TXLNB: variants seen among roughly 807,000 people sequenced by gnomAD.
TXLNB encodes taxilin beta.
In TXLNB, 37 loss-of-function variants were observed where a neutral mutation model predicts 57.4. The ratio of observed to expected loss-of-function variants is 0.64; its 90% CI spans 0.50 to 0.85. The LOEUF (loss-of-function observed/expected upper bound fraction) is 0.85, where lower values mean the gene tolerates loss of function less well. Ranked by LOEUF, TXLNB falls within the 40% of genes least tolerant of loss-of-function variation. TXLNB has a pLI of 0.00. For synonymous variants in TXLNB, 302 were observed against 309.6 expected (o/e 0.98, Z 0.26); for missense variants, 848 against 825.6 (o/e 1.03, Z -0.33).
chr6:139,214,552 C>G, the TXLNB span, among the ~76,000 whole-genome samples: 4 of 152,146 alleles, frequency 2.6e-5, no homozygotes, highest in Non-Finnish European at 4.4e-5. Flanking sequence ...GGAAGCACTC[C>G]CTTTGAAAAC....
chr6:139,214,011 A>C, the TXLNB span, among the ~76,000 whole-genome samples: 1 of 152,214 alleles, frequency 6.6e-6, no homozygotes, highest in Non-Finnish European at 1.5e-5. Flanking sequence ...AAAAAAGTCC[A>C]GGATCAGATG....
the TXLNB span, among the ~76,000 whole-genome samples, chr6:139,186,369 A>C: frequency 6.6e-6 from 1 of 152,224 alleles, no homozygotes; most frequent in African/African-American, 2.4e-5. Context: ...TTGAACAAAC[A>C]CGTTAACAGA....
chr6:139,231,468 C>T, the TXLNB span, among the ~76,000 whole-genome samples: 1 of 152,170 alleles, frequency 6.6e-6, no homozygotes, highest in Non-Finnish European at 1.5e-5. Context: ...ATTCCAGGGG[C>T]TAGCACAGAA....
At chr6:139,201,509 C>G in the TXLNB span, among the ~76,000 whole-genome samples, 1 of 152,138 alleles carries the variant, frequency 6.6e-6, no homozygotes, top group Non-Finnish European at 1.5e-5. Context: ...CCTGCTCAAG[C>G]TACCTTACAA....
chr6:139,268,555 A>C (rs1177264633), intron 4 of TXLNB, among the ~76,000 whole-genome samples: 1 of 152,248 alleles, frequency 6.6e-6, no homozygotes, highest in Non-Finnish European at 1.5e-5. Flanking sequence ...AAATTTGAAA[A>C]TATTTTGAAT....
At chr6:139,255,830 A>T (rs1056605479) in intron 6 of TXLNB, among the ~76,000 whole-genome samples, 192 bp from the exon 7 acceptor site, 11 of 151,962 alleles carry the variant, frequency 7.2e-5, no homozygotes, top group African/African-American at 2.7e-4. Context: ...TAATCCCAGC[A>T]CTTTGGGTGG....
the TXLNB span, among the ~76,000 whole-genome samples, chr6:139,321,347 C>T: frequency 1.3e-5 from 2 of 152,064 alleles, no homozygotes; most frequent in Non-Finnish European, 2.9e-5. Context: ...GTGCCTTCTA[C>T]CATATGAAGA....
At chr6:139,195,435 G>A in the TXLNB span, among the ~76,000 whole-genome samples, 2 of 152,088 alleles carry the variant, frequency 1.3e-5, no homozygotes, top group Non-Finnish European at 2.9e-5. Flanking sequence ...TATTTTCTAT[G>A]TGTGACATTG....
At chr6:139,187,781 T>C in the TXLNB span, among the ~76,000 whole-genome samples, 5 of 152,198 alleles carry the variant, frequency 3.3e-5, no homozygotes, top group African/African-American at 9.7e-5. Context: ...AATTGCTGGA[T>C]TGGTTAAGGA....
chr6:139,192,719 T>C, the TXLNB span, among the ~76,000 whole-genome samples: 89,461 of 151,318 alleles, frequency 0.59, 27,479 homozygotes, highest in Non-Finnish European at 0.63. Flanking sequence ...CCGAGGCAGG[T>C]GGATCATGAG....
the TXLNB span, among the ~76,000 whole-genome samples, chr6:139,212,701 A>G: frequency 6.6e-6 from 1 of 152,218 alleles, no homozygotes; most frequent in African/African-American, 2.4e-5. Context: ...ATAAAGAGTC[A>G]AGACCCATCA....
chr6:139,224,410 C>A, the TXLNB span, among the ~76,000 whole-genome samples: 1 of 150,966 alleles, frequency 6.6e-6, no homozygotes, highest in Non-Finnish European at 1.5e-5. Context: ...AACTAACCTG[C>A]ACATTGTGCA....
chr6:139,183,329 C>T, the TXLNB span: 1,616 of 152,262 alleles, frequency 0.011, 18 homozygotes, highest in Admixed American at 0.02. Flanking sequence ...TCGGTTTTCC[C>T]TTCTGTTTTC....
chr6:139,160,578 T>G, the TXLNB span, among the ~76,000 whole-genome samples: 1 of 152,182 alleles, frequency 6.6e-6, no homozygotes, highest in Non-Finnish European at 1.5e-5. Context: ...TGAGCCCAAC[T>G]AATTTTTTAA....
At chr6:139,247,741 G>C (rs1449378371) in intron 8 of TXLNB, 76 bp downstream of exon 8, 4 of 1,068,236 alleles carry the variant, frequency 3.7e-6, no homozygotes, top group Admixed American at 2.1e-5. Context: ...CTTAGTGAGA[G>C]AAAAAGGAAA....
intron 5 of TXLNB, 100 bp from the exon 6 acceptor site, chr6:139,260,537 A>G (rs1776455015): frequency 7.7e-7 from 1 of 1,306,784 alleles, no homozygotes; most frequent in Admixed American, 2.3e-5. Flanking sequence ...CCAGGTTTTA[A>G]GATTTAAAAG....
Position 139,270,516 on chromosome 6 carries a change from G to C in TXLNB, c.627C>G (p.Leu209=), listed in dbSNP as rs199591503. 6.2e-7 allele frequency: 1 copy of C among 1,614,152 alleles called. No homozygotes were observed. The highest frequency in any genetic ancestry group is 8.5e-7 in the Non-Finnish European group (1 of 1,180,006). Residue 209 remains leucine, a synonymous_variant, in exon 4 of 10, where the codon CTC becomes CTG. Transcript: ENST00000358430. ...ACAGACTCTCCAATTTGCTTCGAGC[G>C]AGGATAGCTCTGCTGTGTTCACCTT... ...QLQGEHSRAI[L]ARSKLESLCR...
intron 3 of TXLNB, among the ~76,000 whole-genome samples, chr6:139,274,035 A>G (rs1264640655): frequency 1.3e-5 from 2 of 152,084 alleles, no homozygotes; most frequent in Non-Finnish European, 2.9e-5. Flanking sequence ...CTCTTTTTTT[A>G]CTAAGTTAAA....
the TXLNB span, chr6:139,167,003 GT>G: frequency 1.9e-6 from 3 of 1,614,240 alleles, no homozygotes; most frequent in Non-Finnish European, 2.5e-6. Context: ...GGGGTTGGCA[GT>G]TCACAGGGGG....
Sources: gnomAD v4.1 joint callset for allele counts (sites outside exome capture counted in the v4.1 genomes callset) on GRCh38, gnomAD v4.1.1 for gene constraint, MANE v1.5 for transcripts, NCBI Gene and HGNC (gene_info 2026-07-23, HGNC 2026-07-21) for gene names.